The following MAGI2 variants were observed in gnomAD, a reference collection of about 807,000 sequenced individuals.
The protein encoded by MAGI2 is membrane associated guanylate kinase, WW and PDZ domain containing 2.
MAGI2 carries 35 observed loss-of-function variants against 133.3 expected under a neutral mutation model. The ratio of observed to expected loss-of-function variants is 0.26; its 90% CI spans 0.20 to 0.35. The LOEUF is 0.35. MAGI2 is among the 10% of genes least tolerant of loss of function. The pLI is 1.00. For synonymous variants in MAGI2, 729 were observed against 710.6 expected (o/e 1.03, Z -0.41); for missense variants, 1,636 against 1,863.4 (o/e 0.88, Z 2.25).
At chr7:78,159,954 C>G (rs568218761) in intron 16 of MAGI2, 71 bp downstream of exon 16, 6 of 1,490,246 alleles carry the variant, frequency 4.0e-6, no homozygotes, top group Non-Finnish European at 4.5e-6. Context: ...TATACTTGTC[C>G]GGTATCTGTA....
In MAGI2 at chr7:78,335,464, G is replaced by A. The variant is rs151127784; in HGVS notation, c.1408+8314C>T. ...CTAGTCTTCAAACTCTGCCACCAAC[G>A]TTGGACCCCCAAGTATCTTTATAGG... On this transcript the variant is annotated intron_variant, in intron 9 of 21. Transcript: ENST00000354212. 1.2e-4 allele frequency among the ~76,000 whole-genome samples: 19 copies of A among 152,214 alleles called. No homozygotes were observed. In the East Asian group the frequency reaches 2.3e-3, roughly 19 times the overall value.
intron 9 of MAGI2, among the ~76,000 whole-genome samples, chr7:78,343,051 C>T (rs1253255005): frequency 6.6e-6 from 1 of 152,164 alleles, no homozygotes; most frequent in East Asian, 1.9e-4. Flanking sequence ...TAAGGAAATT[C>T]ATATTTACAA....
intron 16 of MAGI2, among the ~76,000 whole-genome samples, chr7:78,136,080 T>A (rs1027597865): frequency 3.7e-4 from 57 of 152,018 alleles, no homozygotes; most frequent in Non-Finnish European, 8.8e-5. Context: ...ATGTTATACG[T>A]CTTTTAAAAA....
intron 3 of MAGI2, among the ~76,000 whole-genome samples, chr7:78,566,082 C>T (rs1017528696): frequency 6.6e-6 from 1 of 152,080 alleles, no homozygotes. Flanking sequence ...TTTCAAGGAG[C>T]AGGGGAATTG....
At chr7:79,010,045 T>C (rs1004916573) in intron 1 of MAGI2, among the ~76,000 whole-genome samples, 4 of 152,068 alleles carry the variant, frequency 2.6e-5, no homozygotes, top group African/African-American at 4.8e-5. Context: ...CATATATATA[T>C]ACACACACAT....
chr7:79,057,852 AT>A (rs1401828122), intron 1 of MAGI2, among the ~76,000 whole-genome samples: 1 of 152,048 alleles, frequency 6.6e-6, no homozygotes, highest in African/African-American at 2.4e-5. Flanking sequence ...AGGAAGAAAG[AT>A]GGGAGATAAG....
chr7:78,313,521 C>T (rs187037223), intron 9 of MAGI2, among the ~76,000 whole-genome samples: 53 of 151,452 alleles, frequency 3.5e-4, no homozygotes, highest in East Asian at 1.6e-3. Flanking sequence ...GATACCAACA[C>T]AAAATATTAA....
chr7:79,125,865 T>C (rs1820365096), intron 1 of MAGI2: 2 of 454,986 alleles, frequency 4.4e-6, no homozygotes, highest in East Asian at 6.4e-5. Flanking sequence ...AGCCAGAGAG[T>C]GACAGGGAAG....
At chr7:79,083,512 G>T (rs145670649) in intron 1 of MAGI2, among the ~76,000 whole-genome samples, 48 of 151,700 alleles carry the variant, frequency 3.2e-4, no homozygotes, top group African/African-American at 1.1e-3. Flanking sequence ...AACCAACCTT[G>T]TATTCTTGGG....
At chr7:78,548,624 G>A (rs1413996176) in intron 3 of MAGI2, among the ~76,000 whole-genome samples, 3 of 152,186 alleles carry the variant, frequency 2.0e-5, no homozygotes, top group African/African-American at 7.2e-5. Context: ...GAACCTGGGA[G>A]GTGGAGGTTG....
chr7:78,355,022 G>A lies in MAGI2; in HGVS notation c.1104-8979C>T, dbSNP rs147023832. Among the ~76,000 whole-genome samples, 946 of 152,248 alleles carry A rather than the reference G, an allele frequency of 6.2e-3. 4 individuals are homozygous for A. The highest frequency in any genetic ancestry group is 0.02 in the Middle Eastern group (6 of 294). On this transcript the variant is annotated intron_variant, in intron 7 of 21. Coordinates refer to ENST00000354212, the MANE Select transcript of MAGI2 (RefSeq NM_012301.4). ...GGTGGCAATAAGTTGCTTCAGTGTTGTTTTTAATAGATTGGTTTATTGGGG... is the reference window on the plus strand; with the variant it reads ...GGTGGCAATAAGTTGCTTCAGTGTTATTTTTAATAGATTGGTTTATTGGGG...
rs553635166 is a variant in MAGI2, at chr7:78,548,265, G to A, written c.539-26620C>T. Among the ~76,000 whole-genome samples, 81 of 152,320 alleles carry A rather than the reference G, an allele frequency of 5.3e-4. 1 individual carries two copies. The highest frequency in any genetic ancestry group is 3.4e-3 in the Middle Eastern group (1 of 294). ...ATTTCTGGATAGCTCTTCATTATGA[G>A]AAACTTATTCTTTCTTTGGAGCAGA... On this transcript the variant is annotated intron_variant, in intron 3 of 21. Transcript: ENST00000354212.
intron 1 of MAGI2, among the ~76,000 whole-genome samples, chr7:79,217,214 T>A (rs1830091161): frequency 6.6e-6 from 1 of 152,058 alleles, no homozygotes; most frequent in Admixed American, 6.5e-5. Flanking sequence ...TGAATCCTGA[T>A]AAAGGATAGA....
intron 9 of MAGI2, among the ~76,000 whole-genome samples, chr7:78,280,732 C>G (rs1271919133): frequency 2.6e-5 from 4 of 151,084 alleles, no homozygotes; most frequent in African/African-American, 9.7e-5. Context: ...AGACTGTGGA[C>G]AGTCAGGGAC....
At chr7:79,310,167 A>C (rs1429014950) in intron 1 of MAGI2, among the ~76,000 whole-genome samples, 2 of 125,544 alleles carry the variant, frequency 1.6e-5, no homozygotes, top group East Asian at 4.5e-4. Context: ...CATCTCAAAA[A>C]AAAAAAAAAA....
At chr7:78,356,934 T>C (rs755124485) in intron 7 of MAGI2, among the ~76,000 whole-genome samples, 1 of 152,220 alleles carries the variant, frequency 6.6e-6, no homozygotes, top group Non-Finnish European at 1.5e-5. Context: ...CAATTGAAGA[T>C]TTTGTCTACC....
Position 78,655,454 on chromosome 7 carries a change from C to CAAAAAAAAAAAAA in MAGI2, c.419-28228_419-28216dup. ...CAAAAAACAAACAAAAAAAAACAAC[C>CAAAAAAAAAAAAA]AAAAAAAAAAAAAAAAAAAAACCAC... On this transcript the variant is annotated intron_variant, in intron 2 of 21. Transcript: ENST00000354212. Among the ~76,000 whole-genome samples, 5 of 64,944 alleles carry CAAAAAAAAAAAAA rather than the reference C, an allele frequency of 7.7e-5. No homozygotes were observed. The East Asian group carries it at 2.1e-3, about 27-fold the overall frequency. 42.6% of individuals were successfully genotyped at this position (64,944 alleles called of 152,430 possible). A position where few individuals can be genotyped will look rare whatever the true frequency, so the allele number is the denominator to read the frequency against.
At chr7:78,828,190 C>T (rs891876595) in intron 2 of MAGI2, among the ~76,000 whole-genome samples, 7 of 152,118 alleles carry the variant, frequency 4.6e-5, no homozygotes, top group Non-Finnish European at 7.4e-5. Flanking sequence ...CAGCCTTCCC[C>T]GCCTCTTAAA....
intron 15 of MAGI2, among the ~76,000 whole-genome samples, chr7:78,163,361 G>A (rs548082580): frequency 3.3e-5 from 5 of 152,130 alleles, no homozygotes; most frequent in African/African-American, 1.2e-4. Context: ...GGATGTTCTC[G>A]ATCTCCTGAC....
Sources: allele counts gnomAD v4.1 joint callset (sites outside exome capture counted in the v4.1 genomes callset), GRCh38; gene constraint gnomAD v4.1.1; transcripts MANE v1.5; gene names NCBI Gene and HGNC (gene_info 2026-07-23, HGNC 2026-07-21).